Variants in NBPF8 observed in about 807,000 individuals in gnomAD.
NBPF8 encodes NBPF member 8.
intron 1 of NBPF8, among the ~76,000 whole-genome samples, chr1:120,424,594 C>T (rs1483816572): frequency 6.6e-6 from 1 of 152,068 alleles, no homozygotes; most frequent in African/African-American, 2.4e-5. Context: ...ATTACAGGCG[C>T]CTGCCACCAC....
intron 1 of NBPF8, among the ~76,000 whole-genome samples, chr1:120,420,719 A>T (rs1363281923): frequency 1.4e-5 from 2 of 144,932 alleles, no homozygotes; most frequent in African/African-American, 5.4e-5. Flanking sequence ...TTTATGGGCC[A>T]CAGTGGAATT....
upstream of NBPF8, among the ~76,000 whole-genome samples, chr1:120,434,227 A>T (rs1441254377): frequency 2.1e-3 from 311 of 145,082 alleles, 1 homozygote; most frequent in Middle Eastern, 0.022. Context: ...AAAAGAAAAA[A>T]ATATATATAT....
At chr1:120,455,281 A>G in intron 15 of NBPF8, 128 bp from the exon 14 acceptor site, 2 of 637,790 alleles carry the variant, frequency 3.1e-6, no homozygotes, top group Non-Finnish European at 5.5e-6. Context: ...AACCTAGAAT[A>G]TTCCTGTCAG....
At chr1:120,453,584 A>T in intron 14 of NBPF8, 140 bp downstream of exon 12, 1 of 888,826 alleles carries the variant, frequency 1.1e-6, no homozygotes, top group Non-Finnish European at 1.9e-6. Context: ...CCCAGCTTAG[A>T]CACAGGGTGC....
downstream of NBPF8, among the ~76,000 whole-genome samples, chr1:120,468,409 T>C (rs1215986284): frequency 0.053 from 6,927 of 130,558 alleles, no homozygotes; most frequent in African/African-American, 0.15. Flanking sequence ...AATAATCTTT[T>C]CTCACGGTCT....
At chr1:120,418,739 G>A (rs1206523956), upstream of NBPF8, among the ~76,000 whole-genome samples, 2 of 129,678 alleles carry the variant, frequency 1.5e-5, no homozygotes, top group African/African-American at 3.2e-5. Context: ...TTGTAGATAG[G>A]GTTTTCCTGT....
upstream of NBPF8, among the ~76,000 whole-genome samples, chr1:120,434,227 A>AT (rs1660999727): frequency 6.9e-6 from 1 of 145,218 alleles, no homozygotes; most frequent in Non-Finnish European, 1.5e-5. Context: ...AAAAGAAAAA[A>AT]ATATATATAT....
upstream of NBPF8, among the ~76,000 whole-genome samples, chr1:120,416,093 G>A (rs199558073): frequency 1.3e-5 from 2 of 152,144 alleles, no homozygotes; most frequent in South Asian, 4.1e-4. Flanking sequence ...AGTGCTTCAC[G>A]AAGTTAAAGG....
intron 3 of NBPF8, among the ~76,000 whole-genome samples, chr1:120,428,414 C>T (rs1660782037): frequency 1.3e-5 from 2 of 152,210 alleles, no homozygotes; most frequent in South Asian, 4.1e-4. Context: ...TCAGTACCTC[C>T]TCCTTTTCAA....
chr1:120,454,526 C>T (rs1158029078), intron 15 of NBPF8, among the ~76,000 whole-genome samples: 2 of 152,110 alleles, frequency 1.3e-5, no homozygotes, highest in Non-Finnish European at 2.9e-5. Flanking sequence ...TCACTGCTCT[C>T]AGCTTTCATC....
chr1:120,415,252 C>T (rs113386571), upstream of NBPF8, among the ~76,000 whole-genome samples: 6 of 152,178 alleles, frequency 3.9e-5, no homozygotes, highest in Non-Finnish European at 7.3e-5. Context: ...CGGTTTACAG[C>T]GAAGTCCACC....
upstream of NBPF8, among the ~76,000 whole-genome samples, chr1:120,434,722 T>C (rs1373700152): frequency 2.8e-5 from 4 of 145,328 alleles, no homozygotes; most frequent in African/African-American, 5.1e-5. Flanking sequence ...AAAAAGTTAA[T>C]ATTAACCACT....
upstream of NBPF8, among the ~76,000 whole-genome samples, chr1:120,415,294 G>T (rs1418756783): frequency 6.6e-6 from 1 of 152,156 alleles, no homozygotes; most frequent in African/African-American, 2.4e-5. Context: ...GCCGCGCCAG[G>T]CCGGGGGGCG....
chr1:120,433,862 A>G (rs1338114103), upstream of NBPF8: 3 of 171,902 alleles, frequency 1.7e-5, no homozygotes, highest in South Asian at 1.4e-4. Flanking sequence ...GGACCACAGT[A>G]TATTTCTGGC....
upstream of NBPF8, among the ~76,000 whole-genome samples, chr1:120,431,401 T>C (rs879184295): frequency 0.019 from 1,077 of 57,846 alleles, 33 homozygotes; most frequent in African/African-American, 0.063. Flanking sequence ...TATATATATA[T>C]ACAGACACAC....
chr1:120,431,623 G>C (rs1187743064), upstream of NBPF8, among the ~76,000 whole-genome samples: 1 of 150,706 alleles, frequency 6.6e-6, no homozygotes, highest in Non-Finnish European at 1.5e-5. Context: ...TAAAAAGGCT[G>C]AAAATAGCAC....
At position 120,460,640 on chromosome 1, in the gene NBPF8, T is replaced by G. The variant is rs1215629404; in HGVS notation, n.2836+16T>G. The G allele has an allele frequency of 9.7e-4, 1,128 of 1,159,896 alleles. 5 individuals are homozygous for G. Among genetic ancestry groups the G allele is most frequent in the Middle Eastern group, 4.5e-3 (19 of 4,210 alleles). 71.9% of individuals were successfully genotyped at this position (1,159,896 alleles called of 1,614,324 possible). On this transcript the variant is annotated intron_variant and non_coding_transcript_variant, in intron 18 of 24. Transcript: ENST00000583271. ...CAGGTCCCAGGTGAGTCTGAGAAATTGTGGACAGTTAATTTGATGTTGACA... is the reference window on the plus strand; with the variant it reads ...CAGGTCCCAGGTGAGTCTGAGAAATGGTGGACAGTTAATTTGATGTTGACA...
At chr1:120,468,398 T>TAATA (rs1661808259), downstream of NBPF8, among the ~76,000 whole-genome samples, 1 of 148,174 alleles carries the variant, frequency 6.7e-6, no homozygotes, top group Non-Finnish European at 1.5e-5. Context: ...TTAGCATGTT[T>TAATA]AATAATCTTT....
chr1:120,436,551 G>A (rs1273391058), exon 1 of NBPF8: 43,062 of 1,520,312 alleles, frequency 0.028, 748 homozygotes, highest in South Asian at 0.049. Flanking sequence ...CCTTGGTCCA[G>A]CGAGAAGGCA....
Sources: gnomAD v4.1 joint callset for allele counts (sites outside exome capture counted in the v4.1 genomes callset) on GRCh38, gnomAD v4.1.1 for gene constraint, MANE v1.5 for transcripts, NCBI Gene and HGNC (gene_info 2026-07-23, HGNC 2026-07-21) for gene names.